Variants in PTPN21 observed in about 807,000 individuals in gnomAD.
PTPN21 encodes the protein protein tyrosine phosphatase non-receptor type 21.
Under a neutral mutation model 131.8 loss-of-function variants are expected in PTPN21, and 77 were observed. That is an observed-to-expected ratio of 0.58 (90% confidence interval 0.49 to 0.71). The LOEUF (loss-of-function observed/expected upper bound fraction) is 0.71. Among genes scored for constraint, PTPN21 ranks in the 30% least tolerant of loss-of-function variants. The pLI is 0.00. For missense variants in PTPN21, 1,552 were observed against 1,527.1 expected (o/e 1.02, Z -0.27); for synonymous variants, 715 against 621.3 (o/e 1.15, Z -2.24).
At chr14:88,551,565 G>A (rs1368621501) in intron 1 of PTPN21, 1 of 152,218 alleles carries the variant, frequency 6.6e-6, no homozygotes, top group African/African-American at 2.4e-5. Flanking sequence ...CCGGTCCCTC[G>A]GCTCCCGAAG....
intron 2 of PTPN21, among the ~76,000 whole-genome samples, chr14:88,525,371 C>G (rs760942688): frequency 2.6e-5 from 4 of 151,870 alleles, no homozygotes; most frequent in Non-Finnish European, 5.9e-5. Flanking sequence ...CTCTTACATA[C>G]AGAAAGAAAC....
chr14:88,479,199 A>C lies in PTPN21; in HGVS notation c.2232T>G (p.Pro744=), dbSNP rs754792286. 3.8e-6 allele frequency: 6 copies of C among 1,576,520 alleles called. No individual in the cohort carries two copies. In the East Asian group the frequency reaches 1.1e-4, roughly 30 times the overall value. Reference sequence around the variant, plus strand: ...CGGCGAGCAGGACGCGAGGGCAGCCAGGTGGGTCCTGGGCCAGGCCGGGCC... The same window carrying C: ...CGGCGAGCAGGACGCGAGGGCAGCCCGGTGGGTCCTGGGCCAGGCCGGGCC... The part of the protein sequence containing the change: ...EPRPGLAQDP[P]GCPRVLLAGP... The change falls in exon 13 of 19, where the codon CCT becomes CCG. Residue 744 remains proline, a synonymous_variant. Transcript: ENST00000556564.
At chr14:88,499,790 C>CA (rs2077981578) in intron 8 of PTPN21, among the ~76,000 whole-genome samples, 1 of 152,104 alleles carries the variant, frequency 6.6e-6, no homozygotes, top group East Asian at 1.9e-4. Context: ...TTTGGTTGGA[C>CA]ATGAACTTTG....
At position 88,524,920 on chromosome 14, in the gene PTPN21, C is replaced by T. The variant is rs755644127; in HGVS notation, c.181-7659G>A. Among the ~76,000 whole-genome samples the T allele has an allele frequency of 7.9e-5, 12 of 151,778 alleles. No homozygotes were observed. The East Asian group carries it at 1.6e-3, about 20-fold the overall frequency. ...ACCCTCTTAAAAACACACATACACA[C>T]GCACAAAATTTAGAACTTACATGCA... On this transcript the variant is annotated intron_variant, in intron 2 of 18. Coordinates refer to ENST00000556564, the MANE Select transcript of PTPN21 (RefSeq NM_007039.4).
chr14:88,533,012 C>G (rs1193650182), intron 2 of PTPN21, among the ~76,000 whole-genome samples: 2 of 152,166 alleles, frequency 1.3e-5, no homozygotes, highest in Admixed American at 6.5e-5. Context: ...AAGGAGTCAA[C>G]CTTGTTTATC....
intron 3 of PTPN21, among the ~76,000 whole-genome samples, chr14:88,511,544 C>A (rs916211900): frequency 6.6e-6 from 1 of 152,056 alleles, no homozygotes; most frequent in Non-Finnish European, 1.5e-5. Flanking sequence ...TGGTCGTGGG[C>A]ACCTGTAATC....
chr14:88,521,662 C>T (rs1332397914), intron 2 of PTPN21, among the ~76,000 whole-genome samples: 1 of 151,274 alleles, frequency 6.6e-6, no homozygotes, highest in Non-Finnish European at 1.5e-5. Flanking sequence ...CTGCCCGCCT[C>T]GGCCTCCCAA....
At chr14:88,550,670 C>T in intron 1 of PTPN21, 51 bp from the exon 2 acceptor site, 2 of 407,250 alleles carry the variant, frequency 4.9e-6, no homozygotes, top group Non-Finnish European at 4.4e-6. Context: ...CTGGGCTTTG[C>T]TTGTATAAAG....
intron 11 of PTPN21, 78 bp from the exon 12 acceptor site, chr14:88,485,238 C>A: frequency 2.2e-6 from 2 of 891,068 alleles, no homozygotes; most frequent in South Asian, 2.4e-5. Context: ...CCACTGGATT[C>A]TTTCTGTTAA....
chr14:88,504,593 G>A (rs2078060575), intron 5 of PTPN21, 98 bp from the exon 6 acceptor site: 2 of 899,610 alleles, frequency 2.2e-6, no homozygotes, highest in Admixed American at 3.7e-5. Context: ...TCACTATCAG[G>A]CAAAATTATG....
intron 10 of PTPN21, chr14:88,493,048 A>G (rs2077848422): frequency 2.2e-6 from 1 of 456,172 alleles, no homozygotes; most frequent in Non-Finnish European, 4.4e-6. Flanking sequence ...CACAGGCTCG[A>G]GTCTTGCTGC....
intron 15 of PTPN21, among the ~76,000 whole-genome samples, chr14:88,471,413 T>C (rs1475382080): frequency 1.3e-5 from 2 of 151,956 alleles, no homozygotes; most frequent in Admixed American, 6.6e-5. Flanking sequence ...TTCATAGGAG[T>C]GATATTACCC....
chr14:88,536,181 T>C (rs1399610715), intron 2 of PTPN21, among the ~76,000 whole-genome samples: 2 of 152,234 alleles, frequency 1.3e-5, no homozygotes, highest in African/African-American at 2.4e-5. Flanking sequence ...ATAGTCACTG[T>C]AGAGAATTTT....
chr14:88,534,290 C>T (rs978419238), intron 2 of PTPN21, among the ~76,000 whole-genome samples: 11 of 149,110 alleles, frequency 7.4e-5, no homozygotes, highest in African/African-American at 2.7e-4. Flanking sequence ...GGCTGAAGCA[C>T]AAAAATGGCT....
At position 88,468,017 on chromosome 14, in the gene PTPN21, T is replaced by C. The variant is rs2077391479; in HGVS notation, c.*120A>G. The C allele has an allele frequency of 7.8e-7, 1 of 1,286,372 alleles. No individual in the cohort carries two copies. Among genetic ancestry groups the C allele is most frequent in the Non-Finnish European group, 1.1e-6 (1 of 902,524 alleles). 79.7% of individuals were successfully genotyped at this position (1,286,372 alleles called of 1,614,324 possible). A position where few individuals can be genotyped will look rare whatever the true frequency, so the allele number is the denominator to read the frequency against. On this transcript the variant is annotated 3_prime_UTR_variant, in exon 19 of 19. Transcript: ENST00000556564. The stretch of plus-strand genomic sequence containing the variant: ...GTGCCGCCATTCAGACTGCGCCACT[T>C]ACGTCCCAGTGCCACGCTGCGTGGA...
At chr14:88,471,922 GA>G (rs11456515) in intron 15 of PTPN21, among the ~76,000 whole-genome samples, 5,360 of 141,838 alleles carry the variant, frequency 0.038, 325 homozygotes, top group African/African-American at 0.13. Flanking sequence ...AAAGGCAAAA[GA>G]AAAAAAAAAA....
At chr14:88,480,390 G>A (rs755184807) in intron 12 of PTPN21, 38 bp from the exon 13 acceptor site, 2 of 1,477,550 alleles carry the variant, frequency 1.4e-6, no homozygotes, top group Non-Finnish European at 1.9e-6. Context: ...TTTTTTAAAT[G>A]GACTAATTAC....
chr14:88,491,484 G>A (rs768588399), intron 10 of PTPN21, among the ~76,000 whole-genome samples: 7 of 152,156 alleles, frequency 4.6e-5, no homozygotes, highest in African/African-American at 9.7e-5. Context: ...TGCCTATCAC[G>A]CTTTAGTTTA....
chr14:88,474,835 T>A (rs574077865), intron 13 of PTPN21, among the ~76,000 whole-genome samples: 74 of 152,198 alleles, frequency 4.9e-4, no homozygotes, highest in African/African-American at 1.7e-3. Context: ...GTTGACCAGG[T>A]GCGGGGGATC....
Sources: gnomAD v4.1 joint callset for allele counts (sites outside exome capture counted in the v4.1 genomes callset) on GRCh38, gnomAD v4.1.1 for gene constraint, MANE v1.5 for transcripts, NCBI Gene and HGNC (gene_info 2026-07-23, HGNC 2026-07-21) for gene names.